The following PARM1 variants were observed in gnomAD, a reference collection of about 807,000 sequenced individuals.
The protein encoded by PARM1 is prostate androgen-regulated mucin-like protein 1.
PARM1 carries 14 observed loss-of-function variants against 24.6 expected under a neutral mutation model. That is an observed-to-expected ratio of 0.57 (90% CI 0.38 to 0.89). The LOEUF (loss-of-function observed/expected upper bound fraction) is 0.89, where lower values mean the gene tolerates loss of function less well. Among genes scored for constraint, PARM1 ranks in the 40% least tolerant of loss-of-function variants. The pLI, the probability that PARM1 is intolerant of heterozygous loss-of-function variation, is 0.00. For missense variants in PARM1, 362 were observed against 380.4 expected (o/e 0.95, Z 0.40); for synonymous variants, 179 against 156.6 (o/e 1.14, Z -1.07).
rs114841791 is a variant in PARM1, at chr4:74,941,528, C to G, written c.43+8158C>G. ...CTAAGGCTCAAACCAACGCTAGATG[C>G]TACTGCTAGATATGAAAAATTCATT... On this transcript the variant is annotated intron_variant, in intron 1 of 3. Transcript: ENST00000307428. 4.6e-3 allele frequency among the ~76,000 whole-genome samples: 703 copies of G among 152,276 alleles called. 1 individual carries two copies. The highest frequency in any genetic ancestry group is 6.8e-3 in the Admixed American group (104 of 15,292).
chr4:74,997,972 A>G (rs557048603), intron 1 of PARM1, among the ~76,000 whole-genome samples: 2 of 152,344 alleles, frequency 1.3e-5, no homozygotes, highest in Admixed American at 6.5e-5. Flanking sequence ...AGCTTCCGCA[A>G]TTCACCCAAG....
intron 2 of PARM1, among the ~76,000 whole-genome samples, chr4:75,014,094 C>A (rs547566548): frequency 5.1e-4 from 78 of 152,290 alleles, no homozygotes; most frequent in Non-Finnish European, 6.6e-4. Flanking sequence ...AAGGTCATTT[C>A]CAGACAGAAC....
At chr4:74,976,174 G>A (rs923814765) in intron 1 of PARM1, among the ~76,000 whole-genome samples, 6 of 152,270 alleles carry the variant, frequency 3.9e-5, no homozygotes, top group East Asian at 3.9e-4. Context: ...TGTAGCCAGC[G>A]GCAGCAGTCT....
At chr4:74,933,577 C>G (rs1721113703) in intron 1 of PARM1, among the ~76,000 whole-genome samples, 1 of 152,222 alleles carries the variant, frequency 6.6e-6, no homozygotes. Context: ...GGGGTCCTTC[C>G]TGCCGCAGCC....
intron 1 of PARM1, among the ~76,000 whole-genome samples, chr4:74,968,297 A>T (rs2109993268): frequency 6.6e-6 from 1 of 152,352 alleles, no homozygotes; most frequent in African/African-American, 2.4e-5. Context: ...TTTCAAGATA[A>T]GATTAAAAAA....
intron 1 of PARM1, among the ~76,000 whole-genome samples, chr4:74,934,666 T>A (rs1283151523): frequency 6.6e-6 from 1 of 152,182 alleles, no homozygotes; most frequent in Non-Finnish European, 1.5e-5. Context: ...CGGGCTGAGA[T>A]GAGAGAGCCT....
intron 3 of PARM1, among the ~76,000 whole-genome samples, chr4:75,041,733 G>A (rs1273486939): frequency 1.3e-5 from 2 of 152,168 alleles, no homozygotes; most frequent in Non-Finnish European, 2.9e-5. Flanking sequence ...TCACCAACAA[G>A]TGGTCACCAA....
At chr4:75,043,861 A>G (rs749384409) in intron 3 of PARM1, among the ~76,000 whole-genome samples, 2 of 152,120 alleles carry the variant, frequency 1.3e-5, no homozygotes, top group Non-Finnish European at 2.9e-5. Context: ...CTGGGTTTCT[A>G]TTTATGGTCT....
At chr4:74,985,783 T>A (rs751376288) in intron 1 of PARM1, among the ~76,000 whole-genome samples, 50 of 152,170 alleles carry the variant, frequency 3.3e-4, no homozygotes, top group African/African-American at 1.1e-3. Context: ...TTTGTTTTGT[T>A]TTTGAGATGG....
chr4:74,978,388 G>A (rs1197019419), intron 1 of PARM1, among the ~76,000 whole-genome samples: 1 of 152,132 alleles, frequency 6.6e-6, no homozygotes, highest in African/African-American at 2.4e-5. Flanking sequence ...ATGGTAAAGG[G>A]TTCAATTCAA....
chr4:74,948,448 A>G (rs1721448073), intron 1 of PARM1, among the ~76,000 whole-genome samples: 1 of 152,362 alleles, frequency 6.6e-6, no homozygotes, highest in South Asian at 2.1e-4. Context: ...GAAGTAACAC[A>G]TTAACTTAGA....
At chr4:74,938,086 G>A (rs17195699) in intron 1 of PARM1, among the ~76,000 whole-genome samples, 10,184 of 152,156 alleles carry the variant, frequency 0.067, 416 homozygotes, top group Non-Finnish European at 0.088. Context: ...GAAAAAACAG[G>A]TCATTTTGTC....
intron 1 of PARM1, among the ~76,000 whole-genome samples, chr4:74,953,422 G>C (rs999465701): frequency 6.6e-6 from 1 of 152,216 alleles, no homozygotes; most frequent in Non-Finnish European, 1.5e-5. Context: ...TTCATGCTGA[G>C]ATAAAAAGTT....
chr4:75,015,527 C>T (rs188853662), intron 2 of PARM1, among the ~76,000 whole-genome samples: 1 of 152,158 alleles, frequency 6.6e-6, no homozygotes, highest in African/African-American at 2.4e-5. Context: ...TTGCATTTAC[C>T]AAGACCCTCT....
intron 3 of PARM1, among the ~76,000 whole-genome samples, chr4:75,043,988 A>T (rs941201870): frequency 6.6e-6 from 1 of 152,022 alleles, no homozygotes; most frequent in African/African-American, 2.4e-5. Flanking sequence ...TCAGGACATA[A>T]ATCAGAATTT....
chr4:75,002,491 A>T (rs1453713058), intron 1 of PARM1, among the ~76,000 whole-genome samples: 1 of 152,086 alleles, frequency 6.6e-6, no homozygotes, highest in Non-Finnish European at 1.5e-5. Context: ...ATGATTGAGC[A>T]AACAAGAGAA....
chr4:74,992,630 C>A (rs1722500607), intron 1 of PARM1, among the ~76,000 whole-genome samples: 1 of 151,870 alleles, frequency 6.6e-6, no homozygotes, highest in African/African-American at 2.4e-5. Flanking sequence ...TATAGAGCAA[C>A]AAAGATAAAA....
intron 1 of PARM1, chr4:74,969,906 T>C (rs563247640): frequency 3.3e-5 from 5 of 152,338 alleles, no homozygotes; most frequent in African/African-American, 1.2e-4. Context: ...TGCACTCTCA[T>C]CTTGAGATCT....
intron 1 of PARM1, among the ~76,000 whole-genome samples, chr4:74,973,964 C>T (rs942728930): frequency 1.3e-5 from 2 of 152,066 alleles, no homozygotes; most frequent in African/African-American, 4.8e-5. Context: ...TGGGAAGTAC[C>T]ACCATCTTCT....
Sources: gnomAD v4.1 joint callset for allele counts (sites outside exome capture counted in the v4.1 genomes callset) on GRCh38, gnomAD v4.1.1 for gene constraint, MANE v1.5 for transcripts, NCBI Gene and HGNC (gene_info 2026-07-23, HGNC 2026-07-21) for gene names.